ATP8A2: variants seen among roughly 807,000 people sequenced by gnomAD.
ATP8A2 encodes the protein phospholipid-transporting ATPase IB.
A neutral mutation model predicts 165.6 loss-of-function variants in ATP8A2; 100 were observed. The observed-to-expected ratio is 0.60, with a 90% confidence interval of 0.51 to 0.71. The LOEUF (loss-of-function observed/expected upper bound fraction) is 0.71. Ranked by LOEUF, ATP8A2 falls within the 30% of genes least tolerant of loss-of-function variation. The probability of loss-of-function intolerance (pLI) is 0.00; values close to 1 mark genes in which losing one functional copy is unlikely to be tolerated. For synonymous variants in ATP8A2, 543 were observed against 548.8 expected, an observed-to-expected ratio of 0.99 and a Z score of 0.15; for missense variants, 1,227 against 1,479.5, an observed-to-expected ratio of 0.83 and a Z score of 2.80.
intron 33 of ATP8A2, among the ~76,000 whole-genome samples, chr13:25,934,715 GA>G (rs1229991338): frequency 1.1e-4 from 17 of 152,212 alleles, no homozygotes; most frequent in Non-Finnish European, 1.9e-4. Context: ...TCTACCTGGA[GA>G]AGCTCAGGCA....
At chr13:25,469,216 G>A in intron 2 of ATP8A2, 95 bp downstream of exon 2, 3 of 1,459,374 alleles carry the variant, frequency 2.1e-6, no homozygotes, top group South Asian at 1.3e-5. Context: ...GCACCTGGCC[G>A]GCCCCCGTCC....
intron 13 of ATP8A2, among the ~76,000 whole-genome samples, chr13:25,558,348 G>A (rs1456217468): frequency 5.9e-5 from 9 of 152,134 alleles, no homozygotes; most frequent in Admixed American, 5.9e-4. Flanking sequence ...CCTAAGGTAC[G>A]AGTATTATAT....
intron 24 of ATP8A2, among the ~76,000 whole-genome samples, chr13:25,660,406 G>A (rs1016829311): frequency 2.0e-5 from 3 of 152,132 alleles, no homozygotes; most frequent in Non-Finnish European, 2.9e-5. Flanking sequence ...GGTGGTACCC[G>A]GGCTGATGTA....
intron 25 of ATP8A2, among the ~76,000 whole-genome samples, chr13:25,746,316 A>G (rs1488027475): frequency 6.6e-6 from 1 of 152,172 alleles, no homozygotes; most frequent in African/African-American, 2.4e-5. Flanking sequence ...GCACACTGAC[A>G]TGAACTTAAA....
intron 24 of ATP8A2, among the ~76,000 whole-genome samples, chr13:25,672,501 GTTCAA>G (rs1365413211): frequency 6.6e-6 from 1 of 152,140 alleles, no homozygotes; most frequent in Non-Finnish European, 1.5e-5. Flanking sequence ...GGCAAGGGGA[GTTCAA>G]TTCAAAACTC....
intron 33 of ATP8A2, among the ~76,000 whole-genome samples, chr13:25,911,724 G>A (rs749890991): frequency 2.0e-5 from 3 of 152,232 alleles, no homozygotes; most frequent in South Asian, 4.1e-4. Context: ...ACATACCTTC[G>A]CTGCTCGTTT....
At chr13:25,421,075 A>C (rs1225747750) in intron 1 of ATP8A2, among the ~76,000 whole-genome samples, 2 of 152,242 alleles carry the variant, frequency 1.3e-5, no homozygotes, top group African/African-American at 4.8e-5. Context: ...AAAGTGTGAT[A>C]TAATTCTAGA....
intron 34 of ATP8A2, among the ~76,000 whole-genome samples, chr13:25,966,467 T>C (rs916243486): frequency 1.3e-5 from 2 of 152,172 alleles, no homozygotes; most frequent in African/African-American, 4.8e-5. Context: ...TAGATAAAGG[T>C]GCTTGGGAAC....
rs1277978600 is a variant in ATP8A2, at chr13:25,954,043, G to A, written c.3184-7532G>A. The stretch of plus-strand genomic sequence containing the variant: ...CCCTGGAAAGGGGGCTGAAGCCAGG[G>A]AGCCAAGTAGTCTAGCTCAGTGGAT... On this transcript the variant is annotated intron_variant, in intron 33 of 36. Coordinates refer to ENST00000381655, the MANE Select transcript of ATP8A2 (RefSeq NM_016529.6). 2.0e-5 allele frequency among the ~76,000 whole-genome samples: 3 copies of A among 152,114 alleles called. No individual in the cohort carries two copies. The South Asian group carries it at 6.2e-4, about 32-fold the overall frequency.
At chr13:25,773,070 T>C (rs1396456309) in intron 26 of ATP8A2, among the ~76,000 whole-genome samples, 1 of 152,186 alleles carries the variant, frequency 6.6e-6, no homozygotes, top group African/African-American at 2.4e-5. Flanking sequence ...GAGAGTTACG[T>C]TTAATTTCCA....
At chr13:25,793,391 C>T (rs1011722942) in intron 27 of ATP8A2, among the ~76,000 whole-genome samples, 1 of 152,120 alleles carries the variant, frequency 6.6e-6, no homozygotes. Flanking sequence ...TTATGAAAAC[C>T]TGCCCAGCCA....
chr13:25,872,229 C>T lies in ATP8A2; in HGVS notation c.3183+9821C>T, dbSNP rs667000. The stretch of plus-strand genomic sequence containing the variant: ...GCTGGAGTATCACCTAGAGACAGTT[C>T]AAGGATTTTTTACAGAAACTAATTG... On this transcript the variant is annotated intron_variant, in intron 33 of 36. Transcript: ENST00000381655. Among the ~76,000 whole-genome samples the T allele has an allele frequency of 4.6e-3, 701 of 152,138 alleles. 1 individual carries two copies. The highest frequency in any genetic ancestry group is 0.016 in the African/African-American group (670 of 41,524).
At chr13:25,448,576 T>C (rs1302212017) in intron 1 of ATP8A2, among the ~76,000 whole-genome samples, 2 of 152,228 alleles carry the variant, frequency 1.3e-5, no homozygotes, top group Non-Finnish European at 2.9e-5. Flanking sequence ...GTTTATTACA[T>C]ATTCTTTTGT....
At chr13:25,918,916 G>T (rs886475085) in intron 33 of ATP8A2, among the ~76,000 whole-genome samples, 17 of 152,156 alleles carry the variant, frequency 1.1e-4, no homozygotes, top group Non-Finnish European at 2.5e-4. Context: ...CCTGGGGGTT[G>T]GTGTTCAAAT....
chr13:25,837,423 C>T (rs1403212708), intron 29 of ATP8A2, 138 bp downstream of exon 29: 7 of 310,272 alleles, frequency 2.3e-5, no homozygotes, highest in Non-Finnish European at 3.6e-5. Flanking sequence ...CACCCCACCA[C>T]CACACACACA....
intron 30 of ATP8A2, among the ~76,000 whole-genome samples, chr13:25,850,630 A>C (rs1199187235): frequency 6.6e-6 from 1 of 152,200 alleles, no homozygotes; most frequent in Non-Finnish European, 1.5e-5. Flanking sequence ...CTTTGAAAAA[A>C]TTCACTTGAG....
intron 27 of ATP8A2, among the ~76,000 whole-genome samples, chr13:25,791,542 TACACAC>T (rs55661899): frequency 3.5e-4 from 50 of 143,062 alleles, no homozygotes; most frequent in African/African-American, 1.2e-3. Context: ...CACACACACA[TACACAC>T]ACACACACAC....
At chr13:25,415,589 A>G (rs566266739) in intron 1 of ATP8A2, among the ~76,000 whole-genome samples, 23 of 152,290 alleles carry the variant, frequency 1.5e-4, no homozygotes, top group African/African-American at 4.1e-4. Flanking sequence ...TAAATGCTCT[A>G]TGTGGTCCAG....
chr13:25,532,421 GA>G (rs960785429), intron 5 of ATP8A2, 104 bp downstream of exon 5: 10 of 714,046 alleles, frequency 1.4e-5, no homozygotes, highest in African/African-American at 3.7e-5. Flanking sequence ...GATAAATTGG[GA>G]AGATGATCTA....
Sources: gnomAD v4.1 joint callset for allele counts (sites outside exome capture counted in the v4.1 genomes callset) on GRCh38, gnomAD v4.1.1 for gene constraint, MANE v1.5 for transcripts, NCBI Gene and HGNC (gene_info 2026-07-23, HGNC 2026-07-21) for gene names.